Variants in DNAJC24 observed in about 807,000 individuals in gnomAD.
DNAJC24 encodes the protein DnaJ heat shock protein family (Hsp40) member C24.
A neutral mutation model predicts 18.0 loss-of-function variants in DNAJC24; 17 were observed. The observed-to-expected ratio is 0.94, with a 90% CI of 0.65 to 1.42. The LOEUF (loss-of-function observed/expected upper bound fraction) is 1.42, where lower values mean the gene tolerates loss of function less well. DNAJC24 is among the 40% of genes most tolerant of loss of function. The pLI is 0.00. For missense variants in DNAJC24, 158 were observed against 175.6 expected (o/e 0.90, Z 0.57); for synonymous variants, 55 against 57.7 (o/e 0.95, Z 0.21).
intron 2 of DNAJC24, among the ~76,000 whole-genome samples, chr11:31,376,277 C>G (rs1005290863): frequency 6.6e-6 from 1 of 152,162 alleles, no homozygotes; most frequent in South Asian, 2.1e-4. Flanking sequence ...ATTGCTCAGT[C>G]CCGGGTATAT....
chr11:31,430,048 A>G (rs1049080078), intron 4 of DNAJC24, among the ~76,000 whole-genome samples: 10 of 152,202 alleles, frequency 6.6e-5, no homozygotes, highest in Non-Finnish European at 1.5e-4. Context: ...TTTAATTCAT[A>G]GCTTCAACCC....
In DNAJC24 at chr11:31,430,473, T is replaced by A. The variant is rs1952910694; in HGVS notation, c.*72T>A. ...TGAGAAGCCGTTGAGCTTTGTCCAT[T>A]CAAGGAAATGGATTATTTGTCAGCC... On this transcript the variant is annotated 3_prime_UTR_variant, in exon 5 of 5. Transcript: ENST00000465995. The A allele has an allele frequency of 7.3e-7, 1 of 1,362,980 alleles. No homozygotes were observed. Among genetic ancestry groups the A allele is most frequent in the African/African-American group, 1.5e-5 (1 of 68,542 alleles). 84.4% of individuals were successfully genotyped at this position (1,362,980 alleles called of 1,614,324 possible). A position where few individuals can be genotyped will look rare whatever the true frequency, so the allele number is the denominator to read the frequency against.
chr11:31,404,577 T>C (rs1032932704), intron 2 of DNAJC24, among the ~76,000 whole-genome samples: 3 of 152,332 alleles, frequency 2.0e-5, no homozygotes, highest in East Asian at 3.9e-4. Flanking sequence ...TTATTATTTA[T>C]ATAATTCTCT....
intron 2 of DNAJC24, among the ~76,000 whole-genome samples, chr11:31,379,545 A>G (rs959355943): frequency 6.6e-5 from 10 of 152,160 alleles, no homozygotes; most frequent in Non-Finnish European, 1.5e-4. Flanking sequence ...TGGCAACCCA[A>G]GATTGGTTTG....
intron 2 of DNAJC24, among the ~76,000 whole-genome samples, chr11:31,395,601 CA>C (rs1283456635): frequency 2.6e-5 from 4 of 151,966 alleles, no homozygotes; most frequent in African/African-American, 9.7e-5. Context: ...AAATTTTGTT[CA>C]AAATATATTG....
intron 3 of DNAJC24, among the ~76,000 whole-genome samples, chr11:31,422,970 T>C (rs1952822408): frequency 6.6e-6 from 1 of 152,166 alleles, no homozygotes; most frequent in Non-Finnish European, 1.5e-5. Flanking sequence ...CCACGTCTGC[T>C]CATTATACAG....
chr11:31,412,159 T>A (rs751417906), intron 2 of DNAJC24, among the ~76,000 whole-genome samples: 1 of 152,166 alleles, frequency 6.6e-6, no homozygotes, highest in Non-Finnish European at 1.5e-5. Flanking sequence ...AATTTAATAA[T>A]ATTTTTTAGT....
intron 2 of DNAJC24, chr11:31,384,796 A>G (rs1461411523): frequency 6.6e-6 from 1 of 152,182 alleles, no homozygotes; most frequent in African/African-American, 2.4e-5. Context: ...GAGATTTTCA[A>G]TAGCTAGTCT....
chr11:31,393,017 A>C (rs1952513005), intron 2 of DNAJC24, among the ~76,000 whole-genome samples: 1 of 152,102 alleles, frequency 6.6e-6, no homozygotes, highest in Non-Finnish European at 1.5e-5. Context: ...CCAGACAATA[A>C]ATCTGCTAGT....
chr11:31,374,177 T>G (rs1302661066), intron 2 of DNAJC24: 2 of 370,856 alleles, frequency 5.4e-6, no homozygotes, highest in African/African-American at 4.1e-5. Flanking sequence ...GTTCCTGATT[T>G]TAAGAGGAAA....
chr11:31,429,644 C>A, intron 4 of DNAJC24: 1 of 235,008 alleles, frequency 4.3e-6, no homozygotes, highest in South Asian at 4.9e-5. Flanking sequence ...CATCTCACTT[C>A]AGCATCTTGT....
At chr11:31,402,959 G>T (rs1419274585) in intron 2 of DNAJC24, among the ~76,000 whole-genome samples, 1 of 152,232 alleles carries the variant, frequency 6.6e-6, no homozygotes, top group East Asian at 1.9e-4. Context: ...GGCTGCTATT[G>T]TATATGCAGT....
rs1035499832 is a variant in DNAJC24 at position 31,389,453 on chromosome 11, A to G, written c.111+18594A>G. Reference sequence around the variant, plus strand: ...AAAGGAGTTAATGCAGCAAGATGATATAACAATTGTAAATACATATACACC... The same window carrying G: ...AAAGGAGTTAATGCAGCAAGATGATGTAACAATTGTAAATACATATACACC... On this transcript the variant is annotated intron_variant, in intron 2 of 4. Coordinates refer to ENST00000465995, the MANE Select transcript of DNAJC24 (RefSeq NM_181706.5). Among the ~76,000 whole-genome samples, 4 of 152,350 alleles carry G rather than the reference A, an allele frequency of 2.6e-5. No individual in the cohort carries two copies. In the East Asian group the frequency reaches 7.7e-4, roughly 29 times the overall value.
intron 2 of DNAJC24, among the ~76,000 whole-genome samples, chr11:31,395,753 A>G (rs1454620113): frequency 1.3e-5 from 2 of 152,136 alleles, no homozygotes; most frequent in African/African-American, 2.4e-5. Context: ...AATGTGGACA[A>G]AGGTCCTTAC....
rs573778124 is a variant in DNAJC24, at chr11:31,371,898, A to G, written c.111+1039A>G. Among the ~76,000 whole-genome samples the G allele has an allele frequency of 5.0e-5, 7 of 140,678 alleles. No homozygotes were observed. The South Asian group carries it at 1.5e-3, about 31-fold the overall frequency. The allele number at this position is 140,678 out of a possible 152,430, so 92.3% of individuals were successfully genotyped here. On this transcript the variant is annotated intron_variant, in intron 2 of 4. Transcript: ENST00000465995. Reference sequence around the variant, plus strand: ...GGGTGCAATGGTGCGATCTTGGCACACTGCAACCTCCGCCTCCCACTTTCA... The same window carrying G: ...GGGTGCAATGGTGCGATCTTGGCACGCTGCAACCTCCGCCTCCCACTTTCA...
chr11:31,370,644 C>G (rs1014435993), intron 1 of DNAJC24, 72 bp from the exon 2 acceptor site: 2 of 603,796 alleles, frequency 3.3e-6, no homozygotes, highest in African/African-American at 3.8e-5. Flanking sequence ...AAAGAATTTA[C>G]AAGGGCAGTA....
intron 2 of DNAJC24, among the ~76,000 whole-genome samples, chr11:31,384,285 T>C (rs1402375512): frequency 1.3e-5 from 2 of 152,226 alleles, no homozygotes; most frequent in Non-Finnish European, 2.9e-5. Flanking sequence ...AGATGTTCCA[T>C]TGATACATCA....
At chr11:31,370,996 C>A in intron 2 of DNAJC24, 137 bp downstream of exon 2, 1 of 586,880 alleles carries the variant, frequency 1.7e-6, no homozygotes, top group African/African-American at 1.9e-5. Context: ...TTGAACATTT[C>A]AGTAATATTG....
chr11:31,393,141 A>G (rs1952514757), intron 2 of DNAJC24, among the ~76,000 whole-genome samples: 1 of 152,204 alleles, frequency 6.6e-6, no homozygotes, highest in Non-Finnish European at 1.5e-5. Flanking sequence ...GCCCGAATAC[A>G]GCAGTACAGA....
Sources: gnomAD v4.1 joint callset for allele counts (sites outside exome capture counted in the v4.1 genomes callset) on GRCh38, gnomAD v4.1.1 for gene constraint, MANE v1.5 for transcripts, NCBI Gene and HGNC (gene_info 2026-07-23, HGNC 2026-07-21) for gene names.